The following BCL11B variants were observed in gnomAD, a reference collection of about 807,000 sequenced individuals.
The protein encoded by BCL11B is B-cell lymphoma/leukemia 11B.
BCL11B carries 8 observed loss-of-function variants against 49.9 expected under a neutral mutation model. The observed-to-expected ratio is 0.16, with a 90% confidence interval of 0.09 to 0.29. The LOEUF is 0.29. Among genes scored for constraint, BCL11B ranks in the 10% least tolerant of loss-of-function variants. BCL11B has a pLI of 1.00. For missense variants in BCL11B, 1,006 were observed against 1,351.0 expected (o/e 0.74, Z 4.00); for synonymous variants, 739 against 637.4 (o/e 1.16, Z -2.40).
chr14:99,186,096 G>T (rs1886844682), intron 3 of BCL11B, among the ~76,000 whole-genome samples: 1 of 152,222 alleles, frequency 6.6e-6, no homozygotes, highest in African/African-American at 2.4e-5. Flanking sequence ...ATCTAGGCAG[G>T]GTTCAGGCCA....
chr14:99,217,284 A>G (rs1887871855), intron 3 of BCL11B, among the ~76,000 whole-genome samples: 1 of 138,828 alleles, frequency 7.2e-6, no homozygotes, highest in Non-Finnish European at 1.7e-5. Flanking sequence ...ACTCACATAC[A>G]AACACACTCA....
intron 3 of BCL11B, among the ~76,000 whole-genome samples, chr14:99,221,017 C>T (rs1566816353): frequency 6.6e-6 from 1 of 151,946 alleles, no homozygotes. Flanking sequence ...CGCCCAGCTA[C>T]ATTTTTTTAT....
rs1317863879 is a variant in BCL11B, at chr14:99,192,602, G to A, written c.641-16407C>T. Among the ~76,000 whole-genome samples, 8 of 152,176 alleles carry A rather than the reference G, an allele frequency of 5.3e-5. No homozygotes were observed. The highest frequency in any genetic ancestry group is 2.1e-4 in the South Asian group (1 of 4,818). Reference sequence around the variant, plus strand: ...TGCCAGGTACCAGGTGTACCAGACCGGCTGAAGTTTGGATGGGAAGGGACA... The same window carrying A: ...TGCCAGGTACCAGGTGTACCAGACCAGCTGAAGTTTGGATGGGAAGGGACA... On this transcript the variant is annotated intron_variant, in intron 3 of 3. Transcript: ENST00000357195. This position sits in a 1 kb window ranked among gnomAD's most constrained non-coding sequence, Gnocchi z 4.0.
At chr14:99,177,324 T>C (rs986068688) in intron 3 of BCL11B, among the ~76,000 whole-genome samples, 4 of 151,806 alleles carry the variant, frequency 2.6e-5, no homozygotes, top group Admixed American at 6.6e-5. Flanking sequence ...GGGCAGCAAA[T>C]TGTAGCGAAC....
Position 99,173,906 on chromosome 14 carries a change from T to G in BCL11B, c.*245A>C, listed in dbSNP as rs764788704. On this transcript the variant is annotated 3_prime_UTR_variant, in exon 4 of 4. Transcript: ENST00000357195. ...AAGTACCTGCACATGCCAAAAAAAT[T>G]ACAAAACCCAATAAATACAGAAATT... 7 of 532,162 alleles carry G rather than the reference T, an allele frequency of 1.3e-5. No individual in the cohort carries two copies. Among genetic ancestry groups the G allele is most frequent in the Non-Finnish European group, 2.3e-5 (7 of 302,500 alleles). The allele number at this position is 532,162 out of a possible 1,614,324, so 33.0% of individuals were successfully genotyped here.
intron 3 of BCL11B, among the ~76,000 whole-genome samples, chr14:99,193,019 A>C (rs1346514968): frequency 1.3e-5 from 2 of 152,222 alleles, no homozygotes; most frequent in Non-Finnish European, 2.9e-5. Flanking sequence ...AGAGGGGCTA[A>C]GATGAGATGG....
chr14:99,255,378 T>C (rs1228563693), intron 2 of BCL11B, among the ~76,000 whole-genome samples: 2 of 113,622 alleles, frequency 1.8e-5, no homozygotes, highest in South Asian at 2.8e-4. Context: ...ATAAAGATAC[T>C]GTAGGCTGCT....
chr14:99,268,878 A>C (rs1038237805), intron 1 of BCL11B, among the ~76,000 whole-genome samples: 1 of 151,890 alleles, frequency 6.6e-6, no homozygotes, highest in Non-Finnish European at 1.5e-5. Context: ...CTCCAGTGTC[A>C]GCTGGCTTTC....
intron 1 of BCL11B, among the ~76,000 whole-genome samples, chr14:99,269,303 C>T (rs1889578789): frequency 6.6e-6 from 1 of 152,078 alleles, no homozygotes; most frequent in African/African-American, 2.4e-5. Context: ...GTAGAATAAG[C>T]GATTGCTGTG....
intron 2 of BCL11B, among the ~76,000 whole-genome samples, chr14:99,235,051 G>A (rs981756661): frequency 3.3e-5 from 5 of 152,008 alleles, no homozygotes; most frequent in African/African-American, 9.7e-5. Flanking sequence ...TCACACATGC[G>A]CACTCACCCA....
intron 3 of BCL11B, among the ~76,000 whole-genome samples, chr14:99,179,337 G>T (rs773883555): frequency 6.6e-6 from 1 of 152,012 alleles, no homozygotes; most frequent in African/African-American, 2.4e-5. Context: ...AGCCGGGTGT[G>T]GTGGCATATG....
In BCL11B at chr14:99,174,390, G is replaced by T. The variant is rs757688497; in HGVS notation, c.2446C>A (p.Arg816=). ...KNCSNLTVHR[R]SHTGERPYKC... is the part of the protein sequence containing the mutation. Reference sequence around the variant, plus strand: ...TAAGGCCGCTCGCCGGTGTGGCTCCGCCGGTGCACCGTCAAGTTGCTGCAG... The same window carrying T: ...TAAGGCCGCTCGCCGGTGTGGCTCCTCCGGTGCACCGTCAAGTTGCTGCAG... The change falls in exon 4 of 4, where the codon CGG becomes AGG. Residue 816 remains arginine (R), a synonymous_variant. Coordinates refer to ENST00000357195, the MANE Select transcript of BCL11B (RefSeq NM_138576.4). The T allele has an allele frequency of 1.5e-5, 24 of 1,613,452 alleles. No individual in the cohort carries two copies. The highest frequency in any genetic ancestry group is 2.0e-5 in the Non-Finnish European group (24 of 1,179,890).
rs907251889 is a variant in BCL11B, at chr14:99,262,570, C to T, written c.59-4731G>A. Among the ~76,000 whole-genome samples, 1 of 152,162 alleles carries T rather than the reference C, an allele frequency of 6.6e-6. No homozygotes were observed. The highest frequency in any genetic ancestry group is 1.5e-5 in the Non-Finnish European group (1 of 68,028). On this transcript the variant is annotated intron_variant, in intron 1 of 3. Coordinates refer to ENST00000357195, the MANE Select transcript of BCL11B (RefSeq NM_138576.4). The surrounding 1 kb of genome is among the most constrained non-coding windows in gnomAD (Gnocchi z 4.2). ...GTCACAACCGCCATCATGATGTGTACGCATGTTTACAAGAAATGTTCAGCA... is the reference window on the plus strand; with the variant it reads ...GTCACAACCGCCATCATGATGTGTATGCATGTTTACAAGAAATGTTCAGCA...
intron 3 of BCL11B, among the ~76,000 whole-genome samples, chr14:99,178,849 G>A (rs186892183): frequency 2.8e-4 from 43 of 152,210 alleles, no homozygotes; most frequent in African/African-American, 9.4e-4. Flanking sequence ...ACAGCTTTCC[G>A]TCGCTTTAGT....
chr14:99,229,954 G>A (rs2664310), intron 3 of BCL11B, among the ~76,000 whole-genome samples: 1 of 152,214 alleles, frequency 6.6e-6, no homozygotes, highest in Non-Finnish European at 1.5e-5. Flanking sequence ...GCACAGCCCA[G>A]AAAAGGGAGC....
At position 99,195,704 on chromosome 14, in the gene BCL11B, GA is replaced by G. The variant is rs1265490850; in HGVS notation, c.641-19510del. On this transcript the variant is annotated intron_variant, in intron 3 of 3. Transcript: ENST00000357195. This position sits in a 1 kb window ranked among gnomAD's most constrained non-coding sequence, Gnocchi z 4.7. ...AAATAAAGCATAAGTAAGTTTCCTCGAGCTAGCACCCCACCCCCAAGGATAA... is the reference window on the plus strand; with the variant it reads ...AAATAAAGCATAAGTAAGTTTCCTCGGCTAGCACCCCACCCCCAAGGATAA... Among the ~76,000 whole-genome samples, 1 of 152,048 alleles carries G rather than the reference GA, an allele frequency of 6.6e-6. No individual in the cohort carries two copies. Among genetic ancestry groups the G allele is most frequent in the Non-Finnish European group, 1.5e-5 (1 of 68,006 alleles).
At position 99,241,547 on chromosome 14, in the gene BCL11B, A is replaced by G. The variant is rs1393960883; in HGVS notation, c.428-9990T>C. ...TAAGTCTTGGGGCTGAGACGAAGGG[A>G]ACCTGACTCAGCTCCTCCGCCTCTG... On this transcript the variant is annotated intron_variant, in intron 2 of 3. Transcript: ENST00000357195. The surrounding 1 kb of genome is among the most constrained non-coding windows in gnomAD (Gnocchi z 4.4). 6.6e-6 allele frequency among the ~76,000 whole-genome samples: 1 copy of G among 152,144 alleles called. No individual in the cohort carries two copies. Among genetic ancestry groups the G allele is most frequent in the Non-Finnish European group, 1.5e-5 (1 of 68,004 alleles).
At chr14:99,243,709 G>T (rs746239704) in intron 2 of BCL11B, among the ~76,000 whole-genome samples, 12 of 152,058 alleles carry the variant, frequency 7.9e-5, no homozygotes, top group Non-Finnish European at 1.6e-4. Context: ...CCTCTAAGCA[G>T]GACTCAGGTG....
At position 99,228,776 on chromosome 14, in the gene BCL11B, C is replaced by T. The variant is rs1888227230; in HGVS notation, c.640+2569G>A. On this transcript the variant is annotated intron_variant, in intron 3 of 3. Coordinates refer to ENST00000357195, the MANE Select transcript of BCL11B (RefSeq NM_138576.4). The surrounding 1 kb of genome is among the most constrained non-coding windows in gnomAD (Gnocchi z 4.8). ...CTCCCTGCTCCTCCTTCCCCTTCTG[C>T]AGGTCCCCACTCCCTGTCCTCCCCA... Among the ~76,000 whole-genome samples, 1 of 152,232 alleles carries T rather than the reference C, an allele frequency of 6.6e-6. No individual in the cohort carries two copies. Among genetic ancestry groups the T allele is most frequent in the Admixed American group, 6.5e-5 (1 of 15,286 alleles).
Sources: allele counts gnomAD v4.1 joint callset (sites outside exome capture counted in the v4.1 genomes callset), GRCh38; gene constraint gnomAD v4.1.1; non-coding constraint Gnocchi (gnomAD v3.1); transcripts MANE v1.5; gene names NCBI Gene and HGNC (gene_info 2026-07-23, HGNC 2026-07-21).